Variants in BOD1L1 observed in about 807,000 individuals in gnomAD.
BOD1L1 encodes biorientation of chromosomes in cell division protein 1-like 1.
A neutral mutation model predicts 240.7 loss-of-function variants in BOD1L1; 86 were observed. The observed-to-expected ratio is 0.36, with a 90% confidence interval of 0.30 to 0.43. The LOEUF (loss-of-function observed/expected upper bound fraction) is 0.43, where lower values mean the gene tolerates loss of function less well. BOD1L1 is among the 20% of genes least tolerant of loss of function. The pLI, the probability that BOD1L1 is intolerant of heterozygous loss-of-function variation, is 1.00. For synonymous variants in BOD1L1, 1,268 were observed against 1,272.3 expected (o/e 1.00, Z 0.07); for missense variants, 3,554 against 3,643.5 (o/e 0.98, Z 0.63).
intron 22 of BOD1L1, among the ~76,000 whole-genome samples, chr4:13,578,386 T>A (rs1040849804): frequency 7.9e-5 from 12 of 152,228 alleles, no homozygotes; most frequent in African/African-American, 2.9e-4. Context: ...CAAAACTTTT[T>A]GAGCACCAAC....
rs1396243222 is a variant in BOD1L1 at position 13,582,675 on chromosome 4, G to A, written c.8495C>T (p.Thr2832Ile). Residue 2832 changes from threonine (T) to isoleucine (I), a missense_variant, in exon 18 of 26, where the codon ACC becomes ATC. Transcript: ENST00000040738. ...ACCTTTTTCTTCCATGACCCTTGAG[G>A]TAGTGCTATTTGTCTCAGAACTGGT... is the stretch of plus-strand genomic sequence containing the variant. Reference protein sequence around the residue: ...PKTSSETNSTTSRVMEEKDEY... With the variant: ...PKTSSETNSTISRVMEEKDEY... 3.7e-6 allele frequency: 6 copies of A among 1,612,226 alleles called. No homozygotes were observed. The highest frequency in any genetic ancestry group is 5.1e-6 in the Non-Finnish European group (6 of 1,178,460).
Position 13,600,911 on chromosome 4 carries a change from T to A in BOD1L1, c.5989A>T (p.Thr1997Ser). 1 of 1,613,922 alleles carries A rather than the reference T, an allele frequency of 6.2e-7. No individual in the cohort carries two copies. The highest frequency in any genetic ancestry group is 8.5e-7 in the Non-Finnish European group (1 of 1,179,854). Residue 1997 changes from threonine to serine, a missense_variant, in exon 10 of 26, where the codon ACC becomes TCC. Physicochemically the swap from Thr to Ser is moderately conservative, Grantham distance 58. Transcript: ENST00000040738. The part of the protein sequence containing the change: ...SDSQLEKVED[T>S]TISTGLVGGS... ...CCGACCAGGCCAGTGGAAATAGTGGTATCTTCAACTTTTTCGAGCTGACTG... is the reference window on the plus strand; with the variant it reads ...CCGACCAGGCCAGTGGAAATAGTGGAATCTTCAACTTTTTCGAGCTGACTG...
intron 2 of BOD1L1, among the ~76,000 whole-genome samples, chr4:13,618,249 A>G (rs1716770296): frequency 6.6e-6 from 1 of 152,236 alleles, no homozygotes; most frequent in Non-Finnish European, 1.5e-5. Flanking sequence ...TATGAAGAAA[A>G]AAAATGCCAG....
In BOD1L1 at chr4:13,576,960, T is replaced by C. The variant is rs1232725230; in HGVS notation, c.8916A>G (p.Lys2972=). 4 of 1,613,842 alleles carry C rather than the reference T, an allele frequency of 2.5e-6. No homozygotes were observed. In the South Asian group the frequency reaches 4.4e-5, roughly 18 times the overall value. Residue 2972 remains lysine, a synonymous_variant, in exon 25 of 26, where the codon AAA becomes AAG. Transcript: ENST00000040738. ...TGTCCTCCACTGGATCAGAAACTGA[T>C]TTCTGGCGTTTTCTTTCTGGCTCTG... is the stretch of plus-strand genomic sequence containing the variant. The part of the protein sequence containing the change: ...ESSEPERKRQ[K]SVSDPVEDKK...
Position 13,619,947 on chromosome 4 carries a change from G to T in BOD1L1, c.364C>A (p.Leu122Ile), listed in dbSNP as rs1716916188. The change falls in exon 2 of 26, where the codon CTC becomes ATC. Residue 122 changes from leucine (L) to isoleucine (I), a missense_variant. Transcript: ENST00000040738. ...AACTCTATCTCTGAGACTTACTTGA[G>T]GACTTGTTGTCTAATGTTGTTTCTT... ...QLRNNIRQQV[L>I]KSGMLESGID... The T allele has an allele frequency of 6.2e-7, 1 of 1,612,664 alleles. No homozygotes were observed. The highest frequency in any genetic ancestry group is 8.5e-7 in the Non-Finnish European group (1 of 1,179,318).
At chr4:13,593,564 T>C (rs1199003580) in intron 12 of BOD1L1, 2 of 152,046 alleles carry the variant, frequency 1.3e-5, no homozygotes, top group Admixed American at 6.6e-5. Flanking sequence ...TTAAAGAAGA[T>C]GGGGTGGGGG....
chr4:13,615,973 T>C (rs192022254), intron 2 of BOD1L1, among the ~76,000 whole-genome samples: 22 of 152,132 alleles, frequency 1.4e-4, no homozygotes, highest in African/African-American at 5.1e-4. Flanking sequence ...AAACAACACA[T>C]ACAAAATATG....
In BOD1L1 at chr4:13,582,203, T is replaced by A. The variant is rs961741744; in HGVS notation, c.8592+34A>T. ...TTTAATTTGGTTAGTGCTTAAATAA[T>A]TGTGAACAAACAAATACGAAAAGCA... On this transcript the variant is annotated intron_variant, in intron 19 of 25. Transcript: ENST00000040738. 3.2e-6 allele frequency: 5 copies of A among 1,552,998 alleles called. No individual in the cohort carries two copies. In the East Asian group the frequency reaches 1.1e-4, roughly 35 times the overall value.
At position 13,597,270 on chromosome 4, in the gene BOD1L1, C is replaced by T. The variant is rs1265452066; in HGVS notation, c.7955-102G>A. 1.6e-5 allele frequency: 13 copies of T among 801,076 alleles called. No individual in the cohort carries two copies. In the African/African-American group the frequency reaches 1.7e-4, roughly 11 times the overall value. 49.6% of individuals were successfully genotyped at this position (801,076 alleles called of 1,614,324 possible). A position where few individuals can be genotyped will look rare whatever the true frequency, so the allele number is the denominator to read the frequency against. On this transcript the variant is annotated intron_variant, in intron 10 of 25. Transcript: ENST00000040738. ...TGTGGTTATCTGACATGCTGTTGCA[C>T]CTTCCTTTTCTGGTTTATTTTGCTG...
At chr4:13,615,009 C>T (rs980326539) in intron 3 of BOD1L1, among the ~76,000 whole-genome samples, 199 bp from the exon 4 acceptor site, 1 of 152,058 alleles carries the variant, frequency 6.6e-6, no homozygotes, top group South Asian at 2.1e-4. Context: ...ATTATCTTAG[C>T]GAGGGCACCA....
rs748285311 is a variant in BOD1L1, at chr4:13,603,679, C to T, written c.3221G>A (p.Arg1074Gln). 21 of 1,613,850 alleles carry T rather than the reference C, an allele frequency of 1.3e-5. No homozygotes were observed. The highest frequency in any genetic ancestry group is 5.5e-5 in the South Asian group (5 of 91,078). ...CATTTCTTGTGACAAGCTTCCTCTC[C>T]GATTTTCGCACAACCTTCTACTTAA... ...KKLSRRLCEN[R>Q]RGSLSQEMAK... Residue 1074 changes from arginine (R) to glutamine (Q), a missense_variant, in exon 10 of 26, where the codon CGG becomes CAG. Coordinates refer to ENST00000040738, the MANE Select transcript of BOD1L1 (RefSeq NM_148894.3).
intron 24 of BOD1L1, 32 bp from the exon 25 acceptor site, chr4:13,577,023 T>G: frequency 6.2e-7 from 1 of 1,606,880 alleles, no homozygotes. Flanking sequence ...ACCTGGATTT[T>G]ACAATTCCCA....
At position 13,600,362 on chromosome 4, in the gene BOD1L1, T is replaced by C; in HGVS notation, c.6538A>G (p.Thr2180Ala). 1.2e-6 allele frequency: 2 copies of C among 1,614,064 alleles called. No homozygotes were observed. Among genetic ancestry groups the C allele is most frequent in the Non-Finnish European group, 1.7e-6 (2 of 1,179,900 alleles). The change falls in exon 10 of 26, where the codon ACA becomes GCA. Residue 2180 changes from threonine (T) to alanine (A), a missense_variant. This residue lies in a region of BOD1L1 where 3,393 missense variants were observed against 3,427.1 expected (regional missense o/e 0.99). Transcript: ENST00000040738. ...GCGGTGCTTATCAAGACTGGACCTG[T>C]AGCCCTTTCTTCCACTGCTGCAGCA... is the stretch of plus-strand genomic sequence containing the variant. ...PVAAAVEERA[T>A]GPVLISTADF... is the part of the protein sequence containing the mutation.
chr4:13,617,874 A>G (rs1716737764), intron 2 of BOD1L1, among the ~76,000 whole-genome samples: 1 of 152,210 alleles, frequency 6.6e-6, no homozygotes, highest in South Asian at 2.1e-4. Context: ...CTTCAGATTG[A>G]ACATAACTAA....
chr4:13,579,996 A>C (rs781091372), intron 21 of BOD1L1, 23 bp from the exon 22 acceptor site: 36 of 1,529,218 alleles, frequency 2.4e-5, no homozygotes, highest in Non-Finnish European at 3.0e-5. Flanking sequence ...AAACAAACAA[A>C]AAAAAATTTT....
In BOD1L1 at chr4:13,602,236, G is replaced by A. The variant is rs1201463619; in HGVS notation, c.4664C>T (p.Thr1555Ile). The A allele has an allele frequency of 4.3e-6, 7 of 1,613,810 alleles. No homozygotes were observed. Among genetic ancestry groups the A allele is most frequent in the Non-Finnish European group, 5.9e-6 (7 of 1,179,802 alleles). The change falls in exon 10 of 26, where the codon ACC (threonine) becomes ATC (isoleucine). Residue 1555 changes from threonine (T) to isoleucine (I), a missense_variant. Transcript: ENST00000040738. The part of the protein sequence containing the change: ...TRQSEVALPC[T>I]SIEADEGLII... Reference sequence around the variant, plus strand: ...GAGGCCTTCATCTGCCTCAATGCTGGTGCAAGGCAAAGCCACCTCACTTTG... The same window carrying A: ...GAGGCCTTCATCTGCCTCAATGCTGATGCAAGGCAAAGCCACCTCACTTTG...
At chr4:13,584,469 T>A (rs1713508888) in intron 17 of BOD1L1, among the ~76,000 whole-genome samples, 1 of 149,970 alleles carries the variant, frequency 6.7e-6, no homozygotes, top group Non-Finnish European at 1.5e-5. Flanking sequence ...TGTGTGTGTG[T>A]GTGTGTGTGT....
intron 12 of BOD1L1, among the ~76,000 whole-genome samples, chr4:13,595,629 G>T (rs1560192743): frequency 6.6e-6 from 1 of 151,962 alleles, no homozygotes; most frequent in Non-Finnish European, 1.5e-5. Context: ...ATTATTTGGG[G>T]GTAATCAGAT....
In BOD1L1 at chr4:13,570,023, T is replaced by G. The variant is rs762546163; in HGVS notation, c.9144A>C (p.Lys3048Asn). The stretch of plus-strand genomic sequence containing the variant: ...GCAGTGGTCAGGATTATCGCTTCGC[T>G]TTTTTCACAGGGGCTTCCTCCACCC... ...QQRVEEAPVK[K>N]AKR Residue 3048 changes from lysine (K) to asparagine (N), a missense_variant, in exon 26 of 26, where the codon AAA becomes AAC. This residue lies in a region of BOD1L1 where 3,393 missense variants were observed against 3,427.1 expected (regional missense o/e 0.99). Transcript: ENST00000040738. 1 of 1,602,202 alleles carries G rather than the reference T, an allele frequency of 6.2e-7. No homozygotes were observed. Among genetic ancestry groups the G allele is most frequent in the Admixed American group, 1.7e-5 (1 of 57,642 alleles).
Sources: allele counts gnomAD v4.1 joint callset (sites outside exome capture counted in the v4.1 genomes callset), GRCh38; gene constraint gnomAD v4.1.1; regional missense constraint gnomAD v4.1.1; transcripts MANE v1.5; gene names NCBI Gene and HGNC (gene_info 2026-07-23, HGNC 2026-07-21).